NELL2: variants seen among roughly 807,000 people sequenced by gnomAD.
NELL2 encodes the protein neural EGFL like 2.
Under a neutral mutation model 109.6 loss-of-function variants are expected in NELL2, and 41 were observed. The ratio of observed to expected loss-of-function variants is 0.37; its 90% CI spans 0.29 to 0.49. The LOEUF is 0.49. NELL2 is among the 20% of genes least tolerant of loss of function. NELL2 has a pLI of 0.98. For synonymous variants in NELL2, 355 were observed against 344.7 expected (o/e 1.03, Z -0.33); for missense variants, 900 against 1,008.3 (o/e 0.89, Z 1.45).
chr12:44,676,881 G>T (rs945862846), intron 12 of NELL2, among the ~76,000 whole-genome samples: 3 of 152,024 alleles, frequency 2.0e-5, no homozygotes, highest in African/African-American at 7.2e-5. Flanking sequence ...TATGTCCAAG[G>T]TACTATAATA....
chr12:44,807,692 ATAACTTTAAAAAAG>A (rs573731537), intron 3 of NELL2, among the ~76,000 whole-genome samples: 11 of 152,082 alleles, frequency 7.2e-5, no homozygotes, highest in Non-Finnish European at 1.6e-4. Context: ...AAAGAAAAAA[ATAACTTTAAAAAAG>A]TAGCAGACTG....
chr12:44,677,232 G>A (rs966252918), intron 12 of NELL2, among the ~76,000 whole-genome samples: 1 of 152,128 alleles, frequency 6.6e-6, no homozygotes, highest in Non-Finnish European at 1.5e-5. Context: ...AAGTACGCAG[G>A]AGCTGCATTT....
chr12:44,511,560 T>C (rs1375306301), intron 19 of NELL2, among the ~76,000 whole-genome samples: 1 of 152,054 alleles, frequency 6.6e-6, no homozygotes, highest in Non-Finnish European at 1.5e-5. Context: ...TGGCTGGAAA[T>C]TGAGGGGGAA....
Position 44,824,768 on chromosome 12 carries a change from C to T in NELL2, c.185-8632G>A, listed in dbSNP as rs1592606480. Among the ~76,000 whole-genome samples the T allele has an allele frequency of 2.0e-5, 3 of 148,052 alleles. No individual in the cohort carries two copies. In the South Asian group the frequency reaches 6.4e-4, roughly 32 times the overall value. The stretch of plus-strand genomic sequence containing the variant: ...CTCTGTCGCCCAGGCAGGAGTGCAA[C>T]GGCATGATCTCGGCTAATCGCAAGC... On this transcript the variant is annotated intron_variant, in intron 2 of 19. Transcript: ENST00000429094.
chr12:44,564,977 C>T (rs184632881), intron 15 of NELL2, among the ~76,000 whole-genome samples: 1 of 152,026 alleles, frequency 6.6e-6, no homozygotes, highest in Non-Finnish European at 1.5e-5. Context: ...AGTGTGGACC[C>T]CCTGAATCAG....
At chr12:44,684,354 C>T (rs1056580556) in intron 12 of NELL2, among the ~76,000 whole-genome samples, 1 of 151,960 alleles carries the variant, frequency 6.6e-6, no homozygotes, top group South Asian at 2.1e-4. Flanking sequence ...TTTGTTGATC[C>T]TTTCAAAAAA....
At chr12:44,836,589 C>A (rs942251325) in intron 2 of NELL2, among the ~76,000 whole-genome samples, 4 of 152,092 alleles carry the variant, frequency 2.6e-5, no homozygotes, top group Non-Finnish European at 5.9e-5. Flanking sequence ...GGGATCCCAG[C>A]CCTGATAGAG....
chr12:44,688,156 C>A (rs141307175), intron 12 of NELL2, among the ~76,000 whole-genome samples: 16 of 152,240 alleles, frequency 1.1e-4, no homozygotes, highest in African/African-American at 3.4e-4. Flanking sequence ...TATTGAAGCA[C>A]TGGTTAGAAT....
chr12:44,531,177 AG>A (rs1365734135), intron 16 of NELL2, among the ~76,000 whole-genome samples: 1 of 152,180 alleles, frequency 6.6e-6, no homozygotes, highest in Non-Finnish European at 1.5e-5. Flanking sequence ...AGATGGGGAA[AG>A]GGGGGAAGAG....
chr12:44,865,826 T>TAAAAAAAA (rs71435994), intron 2 of NELL2, among the ~76,000 whole-genome samples: 1 of 142,486 alleles, frequency 7.0e-6, no homozygotes, highest in African/African-American at 2.6e-5. Flanking sequence ...AAAAAAAAAT[T>TAAAAAAAA]AAAAAAAAAA....
At chr12:44,689,332 T>G (rs1185886007) in intron 12 of NELL2, among the ~76,000 whole-genome samples, 2 of 152,200 alleles carry the variant, frequency 1.3e-5, no homozygotes, top group African/African-American at 4.8e-5. Flanking sequence ...CAAAGCATCT[T>G]CAGTCTTCAG....
Position 44,716,426 on chromosome 12 carries a change from C to T in NELL2, c.995-1685G>A, listed in dbSNP as rs547018350. 5.3e-5 allele frequency among the ~76,000 whole-genome samples: 8 copies of T among 152,166 alleles called. No individual in the cohort carries two copies. The South Asian group carries it at 8.3e-4, about 16-fold the overall frequency. ...AAAGTCTGGCTAAAATATGCTCACT[C>T]GTGAATATTCAAAATGAAACTATGT... On this transcript the variant is annotated intron_variant, in intron 9 of 19. Coordinates refer to ENST00000429094, the MANE Select transcript of NELL2 (RefSeq NM_001145108.2).
chr12:44,871,536 T>A (rs1403811447), intron 2 of NELL2, among the ~76,000 whole-genome samples: 1 of 152,154 alleles, frequency 6.6e-6, no homozygotes, highest in Non-Finnish European at 1.5e-5. Context: ...ACTAATGAAA[T>A]TCCACCTCAG....
At chr12:44,910,616 C>CAAAGGG (rs1177554046) in intron 1 of NELL2, among the ~76,000 whole-genome samples, 1 of 151,826 alleles carries the variant, frequency 6.6e-6, no homozygotes, top group East Asian at 1.9e-4. Flanking sequence ...GATATATACT[C>CAAAGGG]AAAGGAAAAT....
chr12:44,519,454 T>A (rs146180851), intron 19 of NELL2, among the ~76,000 whole-genome samples: 1 of 152,218 alleles, frequency 6.6e-6, no homozygotes, highest in Non-Finnish European at 1.5e-5. Context: ...AGCTTTGTAA[T>A]GGTTTTTCTC....
intron 19 of NELL2, among the ~76,000 whole-genome samples, chr12:44,516,786 T>G (rs1038566656): frequency 6.6e-6 from 1 of 152,076 alleles, no homozygotes; most frequent in Non-Finnish European, 1.5e-5. Flanking sequence ...CAGTTGGGAT[T>G]ATAGGTATGA....
At position 44,557,913 on chromosome 12, in the gene NELL2, GT is replaced by G. The variant is rs577944378; in HGVS notation, c.1664-25193del. Reference sequence around the variant, plus strand: ...ATTTCAACAAAGAGAACTGTCCACAGTTCAAAATGGTTCAGTCAAATGAAAA... The same window carrying G: ...ATTTCAACAAAGAGAACTGTCCACAGTCAAAATGGTTCAGTCAAATGAAAA... On this transcript the variant is annotated intron_variant, in intron 15 of 19. Transcript: ENST00000429094. Among the ~76,000 whole-genome samples the G allele has an allele frequency of 2.1e-3, 316 of 152,268 alleles. 1 individual carries two copies. Among genetic ancestry groups the G allele is most frequent in the Non-Finnish European group, 3.4e-3 (232 of 68,018 alleles).
chr12:44,813,494 T>C (rs559306030), intron 3 of NELL2, among the ~76,000 whole-genome samples: 1 of 152,176 alleles, frequency 6.6e-6, no homozygotes, highest in South Asian at 2.1e-4. Context: ...TCAGAAATAA[T>C]ATAAATTTTA....
intron 2 of NELL2, among the ~76,000 whole-genome samples, chr12:44,825,678 G>A (rs201834065): frequency 6.7e-6 from 1 of 150,274 alleles, no homozygotes; most frequent in East Asian, 2.0e-4. Flanking sequence ...TTACAGGCAT[G>A]AGCCACCGCA....
Sources: gnomAD v4.1 joint callset for allele counts (sites outside exome capture counted in the v4.1 genomes callset) on GRCh38, gnomAD v4.1.1 for gene constraint, MANE v1.5 for transcripts, NCBI Gene and HGNC (gene_info 2026-07-23, HGNC 2026-07-21) for gene names.